Variants in RASEF observed in about 807,000 individuals in gnomAD.
RASEF encodes RAS and EF-hand domain containing.
In RASEF, 68 loss-of-function variants were observed where a neutral mutation model predicts 90.1. The observed-to-expected ratio is 0.75, with a 90% CI of 0.62 to 0.92. RASEF has a LOEUF of 0.92. Ranked by LOEUF, RASEF falls within the 40% of genes least tolerant of loss-of-function variation. The probability of loss-of-function intolerance (pLI) is 0.00; values close to 1 mark genes in which losing one functional copy is unlikely to be tolerated. For missense variants in RASEF, 949 were observed against 937.2 expected (o/e 1.01, Z -0.16); for synonymous variants, 331 against 345.2 (o/e 0.96, Z 0.46).
chr9:83,202,326 CA>C, the RASEF span, among the ~76,000 whole-genome samples: 3 of 152,058 alleles, frequency 2.0e-5, no homozygotes, highest in Admixed American at 6.5e-5. Flanking sequence ...ACAATGATAA[CA>C]AAAGAGAAAA....
chr9:83,005,797 G>A (rs539556374), intron 7 of RASEF, among the ~76,000 whole-genome samples: 1 of 152,316 alleles, frequency 6.6e-6, no homozygotes, highest in Non-Finnish European at 1.5e-5. Flanking sequence ...CAGATTTCAT[G>A]CAGGTCTTTC....
chr9:83,048,332 T>A (rs1466086773), intron 1 of RASEF: 1 of 985,210 alleles, frequency 1.0e-6, no homozygotes, highest in Non-Finnish European at 1.2e-6. Context: ...ACTCCCTGAG[T>A]GTAGCTGGTC....
the RASEF span, among the ~76,000 whole-genome samples, chr9:83,070,770 C>A: frequency 6.6e-6 from 1 of 152,054 alleles, no homozygotes; most frequent in East Asian, 1.9e-4. Flanking sequence ...GAGATTATAT[C>A]TCTCTGTTTA....
chr9:83,044,519 T>C (rs1207568070), intron 1 of RASEF, among the ~76,000 whole-genome samples: 1 of 152,004 alleles, frequency 6.6e-6, no homozygotes, highest in South Asian at 2.1e-4. Flanking sequence ...AAAAAAAAAA[T>C]TAATAACTTT....
chr9:83,173,787 T>G, the RASEF span, among the ~76,000 whole-genome samples: 1 of 151,976 alleles, frequency 6.6e-6, no homozygotes, highest in Non-Finnish European at 1.5e-5. Flanking sequence ...CTGAAAGTTC[T>G]TGATGCTTGT....
At chr9:83,057,761 A>G (rs552111729) in intron 1 of RASEF, among the ~76,000 whole-genome samples, 65 of 151,952 alleles carry the variant, frequency 4.3e-4, no homozygotes, top group African/African-American at 1.5e-3. Flanking sequence ...GATGAGAACC[A>G]GACATTACTG....
chr9:83,112,381 C>A, the RASEF span, among the ~76,000 whole-genome samples: 1 of 152,134 alleles, frequency 6.6e-6, no homozygotes, highest in Non-Finnish European at 1.5e-5. Context: ...TTTCATGTAA[C>A]CTTTAAAAAG....
chr9:83,097,329 C>T, the RASEF span, among the ~76,000 whole-genome samples: 1 of 152,212 alleles, frequency 6.6e-6, no homozygotes, highest in African/African-American at 2.4e-5. Context: ...GCCATTCTAA[C>T]TGGTGTGGCA....
intron 11 of RASEF, 36 bp downstream of exon 11, chr9:83,000,397 G>C: frequency 6.2e-7 from 1 of 1,612,030 alleles, no homozygotes; most frequent in Non-Finnish European, 8.5e-7. Flanking sequence ...AAAATAAGCA[G>C]TGTTCATGAA....
chr9:83,024,545 A>G (rs1829505232), intron 2 of RASEF, among the ~76,000 whole-genome samples: 1 of 152,146 alleles, frequency 6.6e-6, no homozygotes, highest in Non-Finnish European at 1.5e-5. Flanking sequence ...ACTCTGACCC[A>G]CACTCCAGAA....
At chr9:83,103,939 G>T in the RASEF span, among the ~76,000 whole-genome samples, 7 of 152,086 alleles carry the variant, frequency 4.6e-5, no homozygotes, top group Admixed American at 3.3e-4. Context: ...CATTCAATTA[G>T]GGAATTTCCC....
the RASEF span, among the ~76,000 whole-genome samples, chr9:83,177,479 G>T: frequency 2.0e-4 from 30 of 152,200 alleles, no homozygotes; most frequent in Non-Finnish European, 4.1e-4. Flanking sequence ...AAGGTTCTTG[G>T]TTGACAGGTG....
At chr9:83,176,249 T>A in the RASEF span, among the ~76,000 whole-genome samples, 1 of 152,206 alleles carries the variant, frequency 6.6e-6, no homozygotes, top group Non-Finnish European at 1.5e-5. Flanking sequence ...CATTATGAAA[T>A]CTTGCTGTCT....
the RASEF span, among the ~76,000 whole-genome samples, chr9:83,216,626 G>A: frequency 6.6e-6 from 1 of 152,192 alleles, no homozygotes; most frequent in Non-Finnish European, 1.5e-5. Flanking sequence ...GAGAACCTCT[G>A]CTAGGGCAGT....
the RASEF span, among the ~76,000 whole-genome samples, chr9:83,098,475 TG>T: frequency 6.6e-6 from 1 of 152,202 alleles, no homozygotes; most frequent in East Asian, 1.9e-4. Flanking sequence ...CTCATGATTA[TG>T]ACTACTTTCT....
intron 1 of RASEF, among the ~76,000 whole-genome samples, chr9:83,060,092 T>A (rs1830178848): frequency 6.6e-6 from 1 of 152,102 alleles, no homozygotes; most frequent in Non-Finnish European, 1.5e-5. Context: ...TTAATATCCG[T>A]TCCTCTCAAA....
the RASEF span, among the ~76,000 whole-genome samples, chr9:83,183,707 G>A: frequency 2.0e-5 from 3 of 152,178 alleles, no homozygotes; most frequent in African/African-American, 7.2e-5. Context: ...TCAGTGAAAT[G>A]TTAAACTTAT....
intron 16 of RASEF, among the ~76,000 whole-genome samples, chr9:82,983,700 G>C (rs941572346): frequency 6.6e-6 from 1 of 152,176 alleles, no homozygotes; most frequent in African/African-American, 2.4e-5. Flanking sequence ...GGAGGAAATG[G>C]TATTCTGTGG....
upstream of RASEF, among the ~76,000 whole-genome samples, chr9:83,067,914 C>G (rs1830295138): frequency 1.3e-5 from 2 of 152,110 alleles, no homozygotes; most frequent in Admixed American, 1.3e-4. Context: ...GTGTCACTTT[C>G]TCGTAGGCTG....
Sources: gnomAD v4.1 joint callset for allele counts (sites outside exome capture counted in the v4.1 genomes callset) on GRCh38, gnomAD v4.1.1 for gene constraint, MANE v1.5 for transcripts, NCBI Gene and HGNC (gene_info 2026-07-23, HGNC 2026-07-21) for gene names.